Variants in MBD5 observed in about 807,000 individuals in gnomAD.
The protein encoded by MBD5 is methyl-CpG-binding domain protein 5.
MBD5 carries 13 observed loss-of-function variants against 117.3 expected under a neutral mutation model. That is an observed-to-expected ratio of 0.11 (90% CI 0.07 to 0.18). The LOEUF is 0.18. Among genes scored for constraint, MBD5 ranks in the 10% least tolerant of loss-of-function variants. MBD5 has a pLI of 1.00. For missense variants in MBD5, 1,879 were observed against 2,093.8 expected (o/e 0.90, Z 2.00); for synonymous variants, 727 against 766.4 (o/e 0.95, Z 0.85).
intron 3 of MBD5, among the ~76,000 whole-genome samples, chr2:148,314,942 TGTAACAAC>T (rs1702125433): frequency 1.3e-5 from 2 of 152,314 alleles, no homozygotes; most frequent in East Asian, 3.9e-4. Context: ...TTCACTTGTT[TGTAACAAC>T]TATGTTTGTA....
At chr2:148,379,147 A>G (rs1439861922) in intron 4 of MBD5, among the ~76,000 whole-genome samples, 1 of 152,110 alleles carries the variant, frequency 6.6e-6, no homozygotes, top group Non-Finnish European at 1.5e-5. Flanking sequence ...ACAGCAGTCT[A>G]CAGATAGTGA....
intron 1 of MBD5, among the ~76,000 whole-genome samples, chr2:148,173,406 G>A (rs1051791540): frequency 4.6e-5 from 7 of 152,212 alleles, no homozygotes; most frequent in African/African-American, 1.7e-4. Flanking sequence ...CTGGCTCTGC[G>A]CAGTGGTCGG....
At chr2:148,334,767 T>A (rs1702744800) in intron 3 of MBD5, among the ~76,000 whole-genome samples, 1 of 152,198 alleles carries the variant, frequency 6.6e-6, no homozygotes, top group Admixed American at 6.5e-5. Context: ...TTCTTATCTG[T>A]TGTGAAGTTT....
At chr2:148,312,742 G>A (rs1028682324) in intron 3 of MBD5, among the ~76,000 whole-genome samples, 11 of 152,120 alleles carry the variant, frequency 7.2e-5, no homozygotes, top group African/African-American at 2.7e-4. Context: ...TGGTTTTTGG[G>A]ATTTTCAGCC....
At chr2:148,229,883 C>CGTCTCT (rs1699939235) in intron 2 of MBD5, among the ~76,000 whole-genome samples, 3 of 151,046 alleles carry the variant, frequency 2.0e-5, no homozygotes, top group African/African-American at 7.3e-5. Context: ...ACCCCACCCC[C>CGTCTCT]ATCTCTGTCT....
At chr2:148,338,057 C>T (rs913621920) in intron 3 of MBD5, among the ~76,000 whole-genome samples, 2 of 152,278 alleles carry the variant, frequency 1.3e-5, no homozygotes, top group South Asian at 2.1e-4. Context: ...CTACATTTTA[C>T]TTACAAGAAT....
intron 1 of MBD5, among the ~76,000 whole-genome samples, chr2:148,161,937 G>A (rs1446061624): frequency 1.3e-5 from 2 of 152,122 alleles, no homozygotes; most frequent in Admixed American, 1.3e-4. Context: ...CTATCACTGT[G>A]GTAATTATGG....
intron 3 of MBD5, among the ~76,000 whole-genome samples, chr2:148,246,678 T>C (rs553082285): frequency 4.8e-5 from 7 of 147,262 alleles, no homozygotes; most frequent in African/African-American, 1.8e-4. Context: ...GCAGGAGAAT[T>C]GCTTGAACCC....
intron 3 of MBD5, among the ~76,000 whole-genome samples, chr2:148,244,547 C>T (rs1195045813): frequency 6.6e-6 from 1 of 152,026 alleles, no homozygotes; most frequent in East Asian, 1.9e-4. Flanking sequence ...TGTACTTGAT[C>T]ATTTTGTCTT....
At position 148,516,273 on chromosome 2, in the gene MBD5, A is replaced by G. The variant is rs1207470135; in HGVS notation, c.*3332A>G. On this transcript the variant is annotated 3_prime_UTR_variant, in exon 14 of 14. Transcript: ENST00000642680. ...GTGTTCCCTTGCAAGTCACAAGCAT[A>G]TATGCATTAAGATTTTAAAATCTAA... The G allele has an allele frequency of 2.0e-5, 3 of 152,216 alleles. No individual in the cohort carries two copies. Among genetic ancestry groups the G allele is most frequent in the African/African-American group, 7.2e-5 (3 of 41,452 alleles). 9.4% of individuals were successfully genotyped at this position (152,216 alleles called of 1,614,324 possible).
chr2:148,133,383 A>C (rs1359635936), intron 1 of MBD5, among the ~76,000 whole-genome samples: 1 of 152,224 alleles, frequency 6.6e-6, no homozygotes, highest in Non-Finnish European at 1.5e-5. Context: ...TAGAATATTG[A>C]GATATGAATT....
At chr2:148,311,577 A>G (rs1244214465) in intron 3 of MBD5, among the ~76,000 whole-genome samples, 1 of 152,146 alleles carries the variant, frequency 6.6e-6, no homozygotes, top group African/African-American at 2.4e-5. Context: ...AATACAGCAC[A>G]CTGATGGGTC....
intron 1 of MBD5, among the ~76,000 whole-genome samples, chr2:148,084,408 T>C (rs75032627): frequency 4.5e-4 from 69 of 152,344 alleles, no homozygotes; most frequent in African/African-American, 1.7e-3. Context: ...TCAGGTAATA[T>C]CTATTCTAAT....
intron 2 of MBD5, among the ~76,000 whole-genome samples, chr2:148,205,714 A>T (rs1699260726): frequency 6.6e-6 from 1 of 152,182 alleles, no homozygotes; most frequent in South Asian, 2.1e-4. Context: ...AGTACCAATG[A>T]TATTTTTGTT....
intron 3 of MBD5, among the ~76,000 whole-genome samples, chr2:148,336,449 C>T (rs911017634): frequency 3.3e-5 from 5 of 152,138 alleles, no homozygotes; most frequent in Non-Finnish European, 7.3e-5. Context: ...TACAAAGGCT[C>T]AATTCTGGCT....
chr2:148,163,852 A>T (rs1308143912), intron 1 of MBD5, among the ~76,000 whole-genome samples: 1 of 152,226 alleles, frequency 6.6e-6, no homozygotes, highest in East Asian at 1.9e-4. Context: ...GAGTTGAGAT[A>T]AAAACTGAGA....
rs1574369728 is a variant in MBD5, at chr2:148,389,294, AT to A, written c.-557+46959del. Among the ~76,000 whole-genome samples, 7 of 101,762 alleles carry A rather than the reference AT, an allele frequency of 6.9e-5. 1 individual carries two copies. In the East Asian group the frequency reaches 1.2e-3, roughly 17 times the overall value. 66.8% of individuals were successfully genotyped at this position (101,762 alleles called of 152,430 possible). ...TATATATATATATATATATATATAT[AT>A]ATATATATAACATTTTCTTTATCCA... On this transcript the variant is annotated intron_variant, in intron 4 of 13. Transcript: ENST00000642680.
At chr2:148,280,143 A>AC (rs1553493527) in intron 3 of MBD5, among the ~76,000 whole-genome samples, 1 of 149,686 alleles carries the variant, frequency 6.7e-6, no homozygotes, top group African/African-American at 2.4e-5. Context: ...AAAAAAAAAA[A>AC]AAAAAAACAA....
intron 4 of MBD5, among the ~76,000 whole-genome samples, chr2:148,360,593 A>G (rs1027636677): frequency 2.6e-5 from 4 of 152,168 alleles, no homozygotes; most frequent in Admixed American, 2.6e-4. Context: ...GTGGCTATAC[A>G]GAAATCTTCC....
Sources: allele counts gnomAD v4.1 joint callset (sites outside exome capture counted in the v4.1 genomes callset), GRCh38; gene constraint gnomAD v4.1.1; transcripts MANE v1.5; gene names NCBI Gene and HGNC (gene_info 2026-07-23, HGNC 2026-07-21).